The following PPP1R8 variants were observed in gnomAD, a reference collection of about 807,000 sequenced individuals.
PPP1R8 encodes protein phosphatase 1 regulatory subunit 8, also known as nuclear inhibitor of protein phosphatase 1.
PPP1R8 carries 4 observed loss-of-function variants against 31.3 expected under a neutral mutation model. The observed-to-expected ratio is 0.13, with a 90% CI of 0.06 to 0.29. The LOEUF is 0.29. PPP1R8 is among the 10% of genes least tolerant of loss of function. The probability of loss-of-function intolerance (pLI) is 1.00; values close to 1 mark genes in which losing one functional copy is unlikely to be tolerated. For synonymous variants in PPP1R8, 170 were observed against 169.7 expected, an observed-to-expected ratio of 1.00 and a Z score of -0.01; for missense variants, 254 against 440.1, an observed-to-expected ratio of 0.58 and a Z score of 3.78.
rs565679133 is a variant in PPP1R8, at chr1:27,842,299, G to A, written c.493-887G>A. Among the ~76,000 whole-genome samples, 9 of 148,888 alleles carry A rather than the reference G, an allele frequency of 6.0e-5. No homozygotes were observed. The East Asian group carries it at 1.2e-3, about 20-fold the overall frequency. On this transcript the variant is annotated intron_variant, in intron 4 of 6. Transcript: ENST00000311772. ...GGAGGTTGTGGTGAGCCAAGATCGC[G>A]CAGTTGCACTCCAGCCTGGGCAACA... is the stretch of plus-strand genomic sequence containing the variant.
At chr1:27,848,248 A>C (rs1205884920) in intron 6 of PPP1R8, among the ~76,000 whole-genome samples, 2 of 151,956 alleles carry the variant, frequency 1.3e-5, no homozygotes, top group Non-Finnish European at 2.9e-5. Context: ...TGAAAATACA[A>C]AAAAAAATTA....
At chr1:27,841,681 A>G (rs1464436392) in intron 4 of PPP1R8, among the ~76,000 whole-genome samples, 1 of 152,224 alleles carries the variant, frequency 6.6e-6, no homozygotes. Flanking sequence ...AAGTTCTGTC[A>G]GACAGCACTG....
chr1:27,842,228 G>C (rs777811707), intron 4 of PPP1R8, among the ~76,000 whole-genome samples: 1 of 151,898 alleles, frequency 6.6e-6, no homozygotes, highest in Non-Finnish European at 1.5e-5. Flanking sequence ...TGTAATCCCA[G>C]CTACTCAGGA....
chr1:27,841,319 A>G (rs1571551097), intron 4 of PPP1R8, 85 bp downstream of exon 4: 1 of 1,431,420 alleles, frequency 7.0e-7, no homozygotes, highest in East Asian at 2.3e-5. Context: ...TGGAAATGCC[A>G]GTGACTTAGC....
At chr1:27,843,532 C>T (rs901596144) in intron 5 of PPP1R8, among the ~76,000 whole-genome samples, 1 of 151,992 alleles carries the variant, frequency 6.6e-6, no homozygotes, top group Admixed American at 6.6e-5. Context: ...TGGTGGTGTT[C>T]GCCTGTAGTC....
rs1448548212 is a variant in PPP1R8, at chr1:27,851,556, T to C, written c.*1110T>C. The C allele has an allele frequency of 7.9e-6, 4 of 507,560 alleles. No homozygotes were observed. The highest frequency in any genetic ancestry group is 5.8e-5 in the South Asian group (4 of 69,084). 31.4% of individuals were successfully genotyped at this position (507,560 alleles called of 1,614,324 possible). On this transcript the variant is annotated 3_prime_UTR_variant, in exon 7 of 7. Coordinates refer to ENST00000311772, the MANE Select transcript of PPP1R8 (RefSeq NM_014110.5). ...TGGGTGCAGGCTGTGAATTTGTCTCTCAGTCACTGATTGCCACTGCCATCT... is the reference window on the plus strand; with the variant it reads ...TGGGTGCAGGCTGTGAATTTGTCTCCCAGTCACTGATTGCCACTGCCATCT...
At chr1:27,838,082 G>A (rs148828524) in intron 2 of PPP1R8, among the ~76,000 whole-genome samples, 2,123 of 151,810 alleles carry the variant, frequency 0.014, 51 homozygotes, top group African/African-American at 0.048. Flanking sequence ...ATGGTGGCGC[G>A]TGCCTGTAAT....
In PPP1R8 at chr1:27,850,109, G is replaced by C. The variant is rs2089326619; in HGVS notation, c.719G>C (p.Gly240Ala). The change falls in exon 7 of 7, where the codon GGC (glycine) becomes GCC (alanine). Residue 240 changes from glycine (G) to alanine (A), a missense_variant. Gly to Ala is a moderately conservative substitution (Grantham distance 60, BLOSUM62 0). Transcript: ENST00000311772. ...VVPVKKKRVE[G>A]PGSLGLEESG... ...GAACTGTAGAAGAAGCGTGTGGAGGGCCCTGGCTCCCTGGGCCTGGAGGAA... is the reference window on the plus strand; with the variant it reads ...GAACTGTAGAAGAAGCGTGTGGAGGCCCCTGGCTCCCTGGGCCTGGAGGAA... 1.9e-5 allele frequency: 30 copies of C among 1,581,336 alleles called. No homozygotes were observed. Among genetic ancestry groups the C allele is most frequent in the Non-Finnish European group, 2.6e-5 (30 of 1,161,908 alleles).
chr1:27,850,466 G>T lies in PPP1R8; in HGVS notation c.*20G>T. 3 of 1,490,284 alleles carry T rather than the reference G, an allele frequency of 2.0e-6. No homozygotes were observed. The highest frequency in any genetic ancestry group is 1.2e-5 in the South Asian group (1 of 81,014). 92.3% of individuals were successfully genotyped at this position (1,490,284 alleles called of 1,614,324 possible). On this transcript the variant is annotated 3_prime_UTR_variant, in exon 7 of 7. Transcript: ENST00000311772. ...ATTTGATATTTTTGGTCATGGAGAA[G>T]GGTGGGATTGGGTGGGAATGGGGTG...
At position 27,848,458 on chromosome 1, in the gene PPP1R8, G is replaced by A. The variant is rs931071909; in HGVS notation, c.702+1366G>A. On this transcript the variant is annotated intron_variant, in intron 6 of 6. Coordinates refer to ENST00000311772, the MANE Select transcript of PPP1R8 (RefSeq NM_014110.5). ...GGGGTAGAAGTTACAGAGATGCTCC[G>A]ATCGTTCAGCATGTGGAAGAACTAT... Among the ~76,000 whole-genome samples, 19 of 152,116 alleles carry A rather than the reference G, an allele frequency of 1.2e-4. 1 individual carries two copies. The highest frequency in any genetic ancestry group is 7.4e-5 in the Non-Finnish European group (5 of 68,022).
At chr1:27,842,848 A>C (rs1036663159) in intron 4 of PPP1R8, among the ~76,000 whole-genome samples, 3 of 152,194 alleles carry the variant, frequency 2.0e-5, no homozygotes, top group Non-Finnish European at 4.4e-5. Flanking sequence ...TATTGTGGGC[A>C]TGAAGACATG....
At chr1:27,834,260 C>G (rs2089139613) in intron 2 of PPP1R8, 4 of 349,316 alleles carry the variant, frequency 1.1e-5, no homozygotes, top group Non-Finnish European at 2.3e-5. Flanking sequence ...TCATTGGTGT[C>G]TATTAGCTGA....
chr1:27,846,012 G>A (rs988299823), intron 5 of PPP1R8, among the ~76,000 whole-genome samples: 3 of 151,730 alleles, frequency 2.0e-5, no homozygotes, highest in African/African-American at 7.3e-5. Flanking sequence ...GGATGGTTTC[G>A]ACCTCCTGAC....
intron 3 of PPP1R8, among the ~76,000 whole-genome samples, chr1:27,839,451 C>T (rs1367735753): frequency 1.3e-5 from 2 of 152,036 alleles, no homozygotes; most frequent in Non-Finnish European, 2.9e-5. Flanking sequence ...CCGCTTGAAC[C>T]CAGGAGTGGA....
intron 5 of PPP1R8, among the ~76,000 whole-genome samples, chr1:27,843,730 A>G (rs2089245021): frequency 6.6e-6 from 1 of 152,046 alleles, no homozygotes; most frequent in Non-Finnish European, 1.5e-5. Flanking sequence ...AAGTTGGTGG[A>G]TTGCTTGAGG....
At chr1:27,841,279 T>C in intron 4 of PPP1R8, 45 bp downstream of exon 4, 5 of 1,596,824 alleles carry the variant, frequency 3.1e-6, no homozygotes, top group East Asian at 2.2e-5. Flanking sequence ...GGGACCCTGG[T>C]TTTTGGAGTA....
intron 3 of PPP1R8, among the ~76,000 whole-genome samples, chr1:27,840,028 C>T (rs1158005011): frequency 1.3e-5 from 2 of 151,994 alleles, no homozygotes; most frequent in Non-Finnish European, 2.9e-5. Flanking sequence ...TGACTGTACT[C>T]CAGTCTGGGT....
rs1378304713 is a variant in PPP1R8, at chr1:27,850,489, G to C, written c.*43G>C. ...AAGGGTGGGATTGGGTGGGAATGGG[G>C]TGGAAGGGTGATGGGGAGCTAATGA... On this transcript the variant is annotated 3_prime_UTR_variant, in exon 7 of 7. Transcript: ENST00000311772. 6.8e-7 allele frequency: 1 copy of C among 1,462,020 alleles called. No homozygotes were observed. The highest frequency in any genetic ancestry group is 9.4e-7 in the Non-Finnish European group (1 of 1,069,426). The allele number at this position is 1,462,020 out of a possible 1,614,324, so 90.6% of individuals were successfully genotyped here.
At chr1:27,847,366 G>A (rs1475501086) in intron 6 of PPP1R8, among the ~76,000 whole-genome samples, 1 of 152,072 alleles carries the variant, frequency 6.6e-6, no homozygotes, top group African/African-American at 2.4e-5. Flanking sequence ...AATTAGCCAG[G>A]CGTGGTGGTA....
Sources: gnomAD v4.1 joint callset for allele counts (sites outside exome capture counted in the v4.1 genomes callset) on GRCh38, gnomAD v4.1.1 for gene constraint, MANE v1.5 for transcripts, NCBI Gene and HGNC (gene_info 2026-07-23, HGNC 2026-07-21) for gene names.